Variants in FSTL4 observed in about 807,000 individuals in gnomAD.
FSTL4 encodes follistatin like 4.
In FSTL4, 28 loss-of-function variants were observed where a neutral mutation model predicts 78.2. The observed-to-expected ratio is 0.36, with a 90% CI of 0.27 to 0.49. The LOEUF (loss-of-function observed/expected upper bound fraction) is 0.49, where lower values mean the gene tolerates loss of function less well. Among genes scored for constraint, FSTL4 ranks in the 20% least tolerant of loss-of-function variants. The pLI is 0.98. For missense variants in FSTL4, 922 were observed against 1,084.9 expected (o/e 0.85, Z 2.11); for synonymous variants, 422 against 440.5 (o/e 0.96, Z 0.53).
chr5:133,625,734 T>TATATATATATATATATATATATATTCC, the FSTL4 span, among the ~76,000 whole-genome samples: 1 of 80,428 alleles, frequency 1.2e-5, no homozygotes. Flanking sequence ...CATATATATA[T>TATATATATATATATATATATATATTCC]ATATATATAT....
chr5:133,465,248 C>A (rs543892573), intron 3 of FSTL4, among the ~76,000 whole-genome samples: 2 of 152,280 alleles, frequency 1.3e-5, no homozygotes, highest in South Asian at 4.2e-4. Context: ...TTGGGAGCAC[C>A]CATTCTATTT....
the FSTL4 span, among the ~76,000 whole-genome samples, chr5:133,828,250 G>A: frequency 6.6e-6 from 1 of 152,154 alleles, no homozygotes; most frequent in Non-Finnish European, 1.5e-5. Context: ...GAAAGAGCAA[G>A]TGCGCTCTTG....
the FSTL4 span, among the ~76,000 whole-genome samples, chr5:133,712,613 T>C: frequency 6.6e-6 from 1 of 152,198 alleles, no homozygotes; most frequent in Non-Finnish European, 1.5e-5. Context: ...AAATTTCACT[T>C]TGAGAAACAC....
chr5:133,633,554 G>A, the FSTL4 span, among the ~76,000 whole-genome samples: 1 of 151,810 alleles, frequency 6.6e-6, no homozygotes, highest in African/African-American at 2.4e-5. Context: ...CTGAAGCATT[G>A]TCATGATGCC....
chr5:133,306,363 C>T (rs1753656631), intron 6 of FSTL4, among the ~76,000 whole-genome samples: 1 of 152,208 alleles, frequency 6.6e-6, no homozygotes, highest in East Asian at 1.9e-4. Flanking sequence ...ACGCAGCCTG[C>T]CAGCCGACCA....
chr5:133,287,688 T>A (rs79586308), intron 6 of FSTL4, among the ~76,000 whole-genome samples: 1 of 152,164 alleles, frequency 6.6e-6, no homozygotes, highest in African/African-American at 2.4e-5. Flanking sequence ...GACACTGTGG[T>A]CCCCACTGCC....
chr5:133,603,875 C>G lies in FSTL4; in HGVS notation c.109G>C (p.Gly37Arg), dbSNP rs756214427. 23 of 1,614,030 alleles carry G rather than the reference C, an allele frequency of 1.4e-5. No homozygotes were observed. The highest frequency in any genetic ancestry group is 1.8e-5 in the Non-Finnish European group (21 of 1,180,004). ...GTSRGPDVGV[G>R]ESQAEEPRSF... is the part of the protein sequence containing the mutation. ...GACTATACCTCTGCCTGTGACTCCC[C>G]CACACCCACATCCGGGCCTCTGCTG... is the stretch of plus-strand genomic sequence containing the variant. Residue 37 changes from glycine to arginine, a missense_variant, in exon 2 of 16, where the codon GGG (glycine) becomes CGG (arginine). By Grantham distance (125) the Gly-to-Arg change is moderately radical. Transcript: ENST00000265342.
At chr5:133,705,981 T>A in the FSTL4 span, among the ~76,000 whole-genome samples, 4 of 152,202 alleles carry the variant, frequency 2.6e-5, no homozygotes, top group Admixed American at 2.6e-4. Context: ...TCCTCTGTGT[T>A]TGACCATCTC....
At chr5:133,705,129 C>T in the FSTL4 span, among the ~76,000 whole-genome samples, 7 of 152,108 alleles carry the variant, frequency 4.6e-5, no homozygotes, top group African/African-American at 1.4e-4. Flanking sequence ...GGCACAATCT[C>T]GGCTCACTAC....
intron 3 of FSTL4, among the ~76,000 whole-genome samples, chr5:133,509,361 C>T (rs905861445): frequency 6.6e-6 from 1 of 152,200 alleles, no homozygotes; most frequent in Non-Finnish European, 1.5e-5. Context: ...TCCGTCTCCT[C>T]TTTTTCATGG....
chr5:133,267,063 G>A lies in FSTL4; in HGVS notation c.728-17487C>T, dbSNP rs967715961. Among the ~76,000 whole-genome samples, 16 of 152,238 alleles carry A rather than the reference G, an allele frequency of 1.1e-4. 1 individual carries two copies. Among genetic ancestry groups the A allele is most frequent in the Admixed American group, 6.5e-4 (10 of 15,312 alleles). On this transcript the variant is annotated intron_variant, in intron 6 of 15. Transcript: ENST00000265342. ...GGGCTCCTGTGCTGTGTCTCCACAC[G>A]TGGAGTCTTCCCAATCCCATGTCTC...
At chr5:133,660,243 C>A in the FSTL4 span, among the ~76,000 whole-genome samples, 1 of 152,216 alleles carries the variant, frequency 6.6e-6, no homozygotes, top group African/African-American at 2.4e-5. Flanking sequence ...GAGACCCTCT[C>A]CTTTCCCTCC....
In FSTL4 at chr5:133,289,327, C is replaced by T. The variant is rs554400313; in HGVS notation, c.727+23327G>A. ...CCTTGAAGTAGAGCCCTTTCCTTCT[C>T]TATCTGTCCAAATATATCCCACCTT... is the stretch of plus-strand genomic sequence containing the variant. On this transcript the variant is annotated intron_variant, in intron 6 of 15. Coordinates refer to ENST00000265342, the MANE Select transcript of FSTL4 (RefSeq NM_015082.2). 1.8e-4 allele frequency among the ~76,000 whole-genome samples: 27 copies of T among 152,362 alleles called. No individual in the cohort carries two copies. The South Asian group carries it at 5.6e-3, about 32-fold the overall frequency.
At chr5:133,206,605 A>G (rs996658998) in intron 14 of FSTL4, among the ~76,000 whole-genome samples, 2 of 152,086 alleles carry the variant, frequency 1.3e-5, no homozygotes, top group African/African-American at 4.8e-5. Flanking sequence ...CAGGTGATTC[A>G]TCCACCTCGG....
intron 3 of FSTL4, among the ~76,000 whole-genome samples, chr5:133,473,945 G>C (rs1373420059): frequency 1.3e-5 from 2 of 152,066 alleles, no homozygotes; most frequent in Non-Finnish European, 2.9e-5. Flanking sequence ...CCTCCCATGA[G>C]GTCCCTCCCC....
At chr5:133,421,570 G>A (rs1756696604) in intron 3 of FSTL4, among the ~76,000 whole-genome samples, 1 of 152,268 alleles carries the variant, frequency 6.6e-6, no homozygotes, top group South Asian at 2.1e-4. Flanking sequence ...GGTGGCCATT[G>A]CCCTAACGGT....
chr5:133,755,841 G>A, the FSTL4 span, among the ~76,000 whole-genome samples: 1 of 152,184 alleles, frequency 6.6e-6, no homozygotes, highest in South Asian at 2.1e-4. Context: ...TCATCAAACT[G>A]TGTTCAGCCC....
At chr5:133,539,514 T>C (rs940510864) in intron 3 of FSTL4, among the ~76,000 whole-genome samples, 1 of 151,390 alleles carries the variant, frequency 6.6e-6, no homozygotes, top group African/African-American at 2.4e-5. Context: ...ACAGGACAAC[T>C]TCTACAGATA....
chr5:133,577,604 C>T (rs952214458), intron 2 of FSTL4, among the ~76,000 whole-genome samples: 1 of 152,220 alleles, frequency 6.6e-6, no homozygotes, highest in African/African-American at 2.4e-5. Flanking sequence ...CTGAGCTTGC[C>T]TTTCTCATCT....
Sources: gnomAD v4.1 joint callset for allele counts (sites outside exome capture counted in the v4.1 genomes callset) on GRCh38, gnomAD v4.1.1 for gene constraint, MANE v1.5 for transcripts, NCBI Gene and HGNC (gene_info 2026-07-23, HGNC 2026-07-21) for gene names.